Variants in GRK7 observed in about 807,000 individuals in gnomAD.
GRK7 encodes G protein-coupled receptor kinase 7.
GRK7 carries 24 observed loss-of-function variants against 34.1 expected under a neutral mutation model. The ratio of observed to expected loss-of-function variants is 0.70; its 90% CI spans 0.51 to 0.99. GRK7 has a LOEUF of 0.99. GRK7 is among the 50% of genes least tolerant of loss of function. GRK7 has a pLI of 0.00. For missense variants in GRK7, 644 were observed against 707.3 expected (o/e 0.91, Z 1.02); for synonymous variants, 256 against 279.4 (o/e 0.92, Z 0.84).
upstream of GRK7, among the ~76,000 whole-genome samples, chr3:141,761,887 C>G (rs2084556292): frequency 7.3e-6 from 1 of 137,430 alleles, no homozygotes; most frequent in South Asian, 2.7e-4. Flanking sequence ...TGCTGATACC[C>G]TTTCTTCCAG....
At chr3:141,809,637 G>T (rs772402536) in intron 5 of GRK7, among the ~76,000 whole-genome samples, 6 of 152,136 alleles carry the variant, frequency 3.9e-5, no homozygotes, top group African/African-American at 1.4e-4. Flanking sequence ...GCTCAAGGCT[G>T]CAGTGAGCTG....
intron 4 of GRK7, among the ~76,000 whole-genome samples, chr3:141,803,038 C>T (rs913052925): frequency 1.3e-5 from 2 of 152,110 alleles, no homozygotes; most frequent in South Asian, 2.1e-4. Flanking sequence ...GAATTTCACA[C>T]GAGCACCTTT....
Position 141,793,317 on chromosome 3 carries a change from A to G in GRK7, c.1050+12506A>G, listed in dbSNP as rs139497300. On this transcript the variant is annotated intron_variant, in intron 4 of 5. Coordinates refer to ENST00000682958, the MANE Select transcript of GRK7 (RefSeq NM_139209.3). ...CTTGGGGACTGAGCCCTCACCCTGT[A>G]GGACCTGGCACTGTCTCCAGGAGAT... Among the ~76,000 whole-genome samples, 9 of 152,340 alleles carry G rather than the reference A, an allele frequency of 5.9e-5. No individual in the cohort carries two copies. The East Asian group carries it at 7.7e-4, about 13-fold the overall frequency.
intron 4 of GRK7, among the ~76,000 whole-genome samples, chr3:141,785,595 C>T (rs887535219): frequency 1.3e-5 from 2 of 152,150 alleles, no homozygotes; most frequent in African/African-American, 4.8e-5. Context: ...GAAACCCTGT[C>T]TCTACTAAAA....
intron 4 of GRK7, among the ~76,000 whole-genome samples, chr3:141,783,463 T>C (rs1209169642): frequency 1.3e-5 from 2 of 152,116 alleles, no homozygotes; most frequent in African/African-American, 4.8e-5. Context: ...ATTGAGCAGG[T>C]AACTAGCAGC....
chr3:141,783,464 A>G (rs2084681392), intron 4 of GRK7, among the ~76,000 whole-genome samples: 2 of 152,200 alleles, frequency 1.3e-5, no homozygotes, highest in Admixed American at 1.3e-4. Context: ...TTGAGCAGGT[A>G]ACTAGCAGCC....
In GRK7 at chr3:141,778,498, G is replaced by A; in HGVS notation, c.214G>A (p.Asp72Asn). ...QQPIGRRLFRDFLATVPTFRK... is the reference protein window; with the variant it reads ...QQPIGRRLFRNFLATVPTFRK... Reference sequence around the variant, plus strand: ...GCCCATCGGTCGCCGCCTCTTCCGTGACTTCCTAGCCACAGTGCCCACGTT... The same window carrying A: ...GCCCATCGGTCGCCGCCTCTTCCGTAACTTCCTAGCCACAGTGCCCACGTT... The change falls in exon 3 of 6, where the codon GAC becomes AAC. Residue 72 changes from aspartate (D) to asparagine (N), a missense_variant. Asp to Asn is a conservative substitution (Grantham distance 23). Coordinates refer to ENST00000682958, the MANE Select transcript of GRK7 (RefSeq NM_139209.3). The surrounding 1 kb of genome is among the most constrained non-coding windows in gnomAD (Gnocchi z 4.1). 1 of 1,613,266 alleles carries A rather than the reference G, an allele frequency of 6.2e-7. No homozygotes were observed. Among genetic ancestry groups the A allele is most frequent in the Non-Finnish European group, 8.5e-7 (1 of 1,179,968 alleles).
intron 4 of GRK7, among the ~76,000 whole-genome samples, chr3:141,792,565 A>G (rs1477792851): frequency 6.6e-6 from 1 of 152,212 alleles, no homozygotes; most frequent in Non-Finnish European, 1.5e-5. Flanking sequence ...AACTTACATG[A>G]TACTAGAAGG....
At chr3:141,776,991 G>T (rs1267018819) in intron 2 of GRK7, among the ~76,000 whole-genome samples, 1 of 152,076 alleles carries the variant, frequency 6.6e-6, no homozygotes, top group Non-Finnish European at 1.5e-5. Context: ...ATGAGGCCGA[G>T]GTCTGTGACA....
intron 4 of GRK7, among the ~76,000 whole-genome samples, chr3:141,786,585 G>A (rs2107881951): frequency 6.6e-6 from 1 of 152,196 alleles, no homozygotes; most frequent in South Asian, 2.1e-4. Context: ...AGACCACGCT[G>A]GCTAACACAG....
chr3:141,762,717 G>A (rs947750083), upstream of GRK7, among the ~76,000 whole-genome samples: 2 of 152,198 alleles, frequency 1.3e-5, no homozygotes, highest in African/African-American at 2.4e-5. Context: ...CCCCAGCCTC[G>A]CTGCCGCCTT....
Position 141,780,803 on chromosome 3 carries a change from AC to A in GRK7, c.1045del (p.Gln349ArgfsTer14). 6.2e-7 allele frequency: 1 copy of A among 1,611,738 alleles called. No homozygotes were observed. Among genetic ancestry groups the A allele is most frequent in the South Asian group, 1.1e-5 (1 of 90,846 alleles). ...GGAGATGAAGGGTGGCAAGCCCATC[AC>A]CCAGAGGGTGAGTGACTCTCCACCT... ...AVEMKGGKPI[T>X]QRAGTNGYMA... On this transcript the variant is annotated frameshift_variant, in exon 4 of 6. Transcript: ENST00000682958. LOFTEE classifies it high-confidence loss of function.
intron 4 of GRK7, among the ~76,000 whole-genome samples, chr3:141,795,292 G>A (rs1014826954): frequency 2.0e-5 from 3 of 146,652 alleles, no homozygotes; most frequent in African/African-American, 7.8e-5. Context: ...CATGACTGGG[G>A]AACTGCTACC....
chr3:141,786,544 G>A (rs1178512005), intron 4 of GRK7, among the ~76,000 whole-genome samples: 1 of 152,126 alleles, frequency 6.6e-6, no homozygotes, highest in Non-Finnish European at 1.5e-5. Flanking sequence ...TTGGGAGGCT[G>A]AGGCAGGCAG....
At chr3:141,804,150 A>C (rs1710999701) in intron 4 of GRK7, among the ~76,000 whole-genome samples, 2 of 151,970 alleles carry the variant, frequency 1.3e-5, no homozygotes, top group African/African-American at 4.8e-5. Context: ...TTTCGAGTAA[A>C]CTCACTTCTC....
At chr3:141,788,908 A>C (rs754660548) in intron 4 of GRK7, among the ~76,000 whole-genome samples, 2 of 152,186 alleles carry the variant, frequency 1.3e-5, no homozygotes, top group Non-Finnish European at 2.9e-5. Flanking sequence ...ATCTCAGCTC[A>C]CTGAAACCTC....
chr3:141,803,927 G>T (rs1710997634), intron 4 of GRK7, among the ~76,000 whole-genome samples: 1 of 53,372 alleles, frequency 1.9e-5, no homozygotes, highest in South Asian at 5.6e-4. Context: ...GACCAGGCTG[G>T]TCTCAACTCC....
chr3:141,789,331 G>A (rs1029929742), intron 4 of GRK7, among the ~76,000 whole-genome samples: 2 of 152,208 alleles, frequency 1.3e-5, no homozygotes, highest in Non-Finnish European at 2.9e-5. Context: ...GCTCTTCTCT[G>A]TGTTGCCCTC....
At chr3:141,769,497 T>C (rs1390463432) in intron 1 of GRK7, among the ~76,000 whole-genome samples, 1 of 152,244 alleles carries the variant, frequency 6.6e-6, no homozygotes, top group Non-Finnish European at 1.5e-5. Flanking sequence ...TCTAGTGGTC[T>C]CCCATTGTTC....
Sources: gnomAD v4.1 joint callset for allele counts (sites outside exome capture counted in the v4.1 genomes callset) on GRCh38, gnomAD v4.1.1 for gene constraint, Gnocchi (gnomAD v3.1) non-coding constraint, MANE v1.5 for transcripts, NCBI Gene and HGNC (gene_info 2026-07-23, HGNC 2026-07-21) for gene names.